Variants in GLMN observed in about 807,000 individuals in gnomAD.
GLMN encodes glomulin.
GLMN carries 75 observed loss-of-function variants against 87.8 expected under a neutral mutation model. The ratio of observed to expected loss-of-function variants is 0.85; its 90% CI spans 0.71 to 1.04. GLMN has a LOEUF of 1.04. Among genes scored for constraint, GLMN ranks in the 50% least tolerant of loss-of-function variants. The probability of loss-of-function intolerance (pLI) is 0.00; values close to 1 mark genes in which losing one functional copy is unlikely to be tolerated. For missense variants in GLMN, 588 were observed against 658.8 expected, an observed-to-expected ratio of 0.89 and a Z score of 1.18; for synonymous variants, 206 against 221.6, an observed-to-expected ratio of 0.93 and a Z score of 0.63.
chr1:92,258,903 A>G (rs1654631756), intron 16 of GLMN, among the ~76,000 whole-genome samples: 3 of 150,510 alleles, frequency 2.0e-5, no homozygotes, highest in Non-Finnish European at 4.4e-5. Flanking sequence ...GTATTGAAAA[A>G]AAACCAAAAC....
intron 16 of GLMN, among the ~76,000 whole-genome samples, chr1:92,252,256 A>G (rs1653610571): frequency 6.6e-6 from 1 of 152,232 alleles, no homozygotes; most frequent in Non-Finnish European, 1.5e-5. Flanking sequence ...ATATTAATAA[A>G]GAGTACTGGC....
chr1:92,325,348 A>C, the GLMN span, among the ~76,000 whole-genome samples: 1 of 152,178 alleles, frequency 6.6e-6, no homozygotes, highest in African/African-American at 2.4e-5. Flanking sequence ...ATATATTTCT[A>C]TAGAGTGTTG....
Position 92,295,401 on chromosome 1 carries a change from A to T in GLMN, c.165+2003T>A, listed in dbSNP as rs547575353. Reference sequence around the variant, plus strand: ...ACAGATATGTGTCTCAGAGATCTACATCTTAATTCCTCTATCTCTACTGAG... The same window carrying T: ...ACAGATATGTGTCTCAGAGATCTACTTCTTAATTCCTCTATCTCTACTGAG... On this transcript the variant is annotated intron_variant, in intron 3 of 18. Transcript: ENST00000370360. Among the ~76,000 whole-genome samples, 22 of 152,108 alleles carry T rather than the reference A, an allele frequency of 1.4e-4. No individual in the cohort carries two copies. In the Middle Eastern group the frequency reaches 0.017, roughly 118 times the overall value.
At chr1:92,300,101 A>C (rs1202744620), upstream of GLMN, 2 of 798,708 alleles carry the variant, frequency 2.5e-6, no homozygotes, top group Non-Finnish European at 4.2e-6. Context: ...CAGTAAAAAT[A>C]CAGTATTTTA....
At chr1:92,324,937 A>G in the GLMN span, among the ~76,000 whole-genome samples, 106 of 152,352 alleles carry the variant, frequency 7.0e-4, no homozygotes, top group African/African-American at 2.5e-3. Flanking sequence ...TACTAGCTGT[A>G]TGAAAAATTA....
the GLMN span, among the ~76,000 whole-genome samples, chr1:92,317,105 G>A: frequency 1.3e-5 from 2 of 152,134 alleles, no homozygotes; most frequent in Non-Finnish European, 2.9e-5. Flanking sequence ...AGAGGCAACA[G>A]GATATAGAAA....
At chr1:92,345,401 AGAGAG>A in the GLMN span, among the ~76,000 whole-genome samples, 153 of 119,168 alleles carry the variant, frequency 1.3e-3, no homozygotes, top group African/African-American at 4.6e-3. Context: ...AAAAAAAAAA[AGAGAG>A]AGAGAGAAGA....
intron 7 of GLMN, among the ~76,000 whole-genome samples, chr1:92,277,193 C>T (rs1236906552): frequency 6.6e-6 from 1 of 152,062 alleles, no homozygotes; most frequent in Non-Finnish European, 1.5e-5. Flanking sequence ...AGGAAACAAA[C>T]AAAAAATATC....
At chr1:92,342,044 A>G in the GLMN span, among the ~76,000 whole-genome samples, 4 of 152,232 alleles carry the variant, frequency 2.6e-5, no homozygotes, top group Non-Finnish European at 5.9e-5. Context: ...TATTTGCTAC[A>G]GGTACATCAG....
At chr1:92,344,136 A>C in the GLMN span, among the ~76,000 whole-genome samples, 1 of 152,146 alleles carries the variant, frequency 6.6e-6, no homozygotes, top group Non-Finnish European at 1.5e-5. Flanking sequence ...CCAGCTGGGC[A>C]CCGTAGCTCA....
chr1:92,315,049 C>CATAA, the GLMN span, among the ~76,000 whole-genome samples: 1 of 150,890 alleles, frequency 6.6e-6, no homozygotes, highest in African/African-American at 2.4e-5. Context: ...GTCTCAAAAT[C>CATAA]ATAAATAAAT....
In GLMN at chr1:92,279,136, C is replaced by G. The variant is rs139042994; in HGVS notation, c.735+7354G>C. Among the ~76,000 whole-genome samples the G allele has an allele frequency of 4.6e-3, 706 of 152,188 alleles. 3 individuals are homozygous for G. Among genetic ancestry groups the G allele is most frequent in the Middle Eastern group, 0.017 (5 of 294 alleles). On this transcript the variant is annotated intron_variant, in intron 7 of 18. Transcript: ENST00000370360. ...CCTTACCCAGCTTAAATTCTATGTC[C>G]ATCATTAAAGTCACTTTGTACATTA... is the stretch of plus-strand genomic sequence containing the variant.
At chr1:92,281,992 C>A (rs1335387791) in intron 7 of GLMN, among the ~76,000 whole-genome samples, 1 of 152,152 alleles carries the variant, frequency 6.6e-6, no homozygotes, top group Admixed American at 6.5e-5. Flanking sequence ...TAGAGACCTA[C>A]AAAGATACTT....
Position 92,289,095 on chromosome 1 carries a change from A to G in GLMN, c.451T>C (p.Trp151Arg). ...YSIGLALSTL[W>R]NQLSLLPVPY... ...ACAGGAAGAAGAGATAGCTGATTCC[A>G]AAGGGTAGACAATGCTAATCCAATT... Residue 151 changes from tryptophan (W) to arginine (R), a missense_variant, in exon 6 of 19, where the codon TGG (tryptophan) becomes CGG (arginine). By Grantham distance (101) the Trp-to-Arg change is moderately radical. Transcript: ENST00000370360. The G allele has an allele frequency of 6.2e-7, 1 of 1,611,894 alleles. No homozygotes were observed. The highest frequency in any genetic ancestry group is 1.1e-5 in the South Asian group (1 of 91,028).
chr1:92,314,179 A>C, the GLMN span, among the ~76,000 whole-genome samples: 1 of 152,222 alleles, frequency 6.6e-6, no homozygotes, highest in African/African-American at 2.4e-5. Context: ...AAATAGGCCT[A>C]GCTTTTGGCC....
chr1:92,312,044 C>G, the GLMN span, among the ~76,000 whole-genome samples: 170 of 152,246 alleles, frequency 1.1e-3, no homozygotes, highest in African/African-American at 3.9e-3. Flanking sequence ...TGATCGACTT[C>G]CTTTCACTAA....
At chr1:92,247,225 C>T (rs895223354) in intron 17 of GLMN, 81 bp from the exon 18 acceptor site, 2 of 779,702 alleles carry the variant, frequency 2.6e-6, no homozygotes, top group African/African-American at 3.4e-5. Context: ...CATTCACTAA[C>T]TTAAAACATG....
chr1:92,297,984 G>A lies in GLMN; in HGVS notation c.16C>T (p.Leu6Phe), dbSNP rs775789740. ...ACACATCTCTTTATTATAGACTGAA[G>A]TTCCTCTACAGCCATTCTTATTTCT... MAVEELQSIIKRCQIL... is the reference protein window; with the variant it reads MAVEEFQSIIKRCQIL... Residue 6 changes from leucine to phenylalanine, a missense_variant, in exon 2 of 19, where the codon CTT becomes TTT. Coordinates refer to ENST00000370360, the MANE Select transcript of GLMN (RefSeq NM_053274.3). 11 of 1,495,376 alleles carry A rather than the reference G, an allele frequency of 7.4e-6. No homozygotes were observed. The highest frequency in any genetic ancestry group is 1.0e-5 in the Non-Finnish European group (11 of 1,072,572). 92.6% of individuals were successfully genotyped at this position (1,495,376 alleles called of 1,614,324 possible). A position where few individuals can be genotyped will look rare whatever the true frequency, so the allele number is the denominator to read the frequency against.
chr1:92,264,402 ATAG>A (rs1239256552), intron 14 of GLMN, 149 bp downstream of exon 14: 1 of 581,218 alleles, frequency 1.7e-6, no homozygotes, highest in Non-Finnish European at 3.0e-6. Context: ...TTTTTAAAAC[ATAG>A]TAGAAATAGG....
Sources: allele counts gnomAD v4.1 joint callset (sites outside exome capture counted in the v4.1 genomes callset), GRCh38; gene constraint gnomAD v4.1.1; transcripts MANE v1.5; gene names NCBI Gene and HGNC (gene_info 2026-07-23, HGNC 2026-07-21).